SSRP1: variants seen among roughly 807,000 people sequenced by gnomAD.
SSRP1 encodes structure specific recognition protein 1.
SSRP1 carries 21 observed loss-of-function variants against 84.4 expected under a neutral mutation model. That is an observed-to-expected ratio of 0.25 (90% CI 0.18 to 0.36). The LOEUF is 0.36. Among genes scored for constraint, SSRP1 ranks in the 10% least tolerant of loss-of-function variants. The probability of loss-of-function intolerance (pLI) is 1.00; values close to 1 mark genes in which losing one functional copy is unlikely to be tolerated. For missense variants in SSRP1, 519 were observed against 900.8 expected (o/e 0.58, Z 5.43); for synonymous variants, 319 against 318.3 (o/e 1.00, Z -0.02).
rs903194515 is a variant in SSRP1, at chr11:57,335,544, T to C, written c.-120+186A>G. 3.7e-6 allele frequency: 1 copy of C among 270,912 alleles called. No homozygotes were observed. Among genetic ancestry groups the C allele is most frequent in the Non-Finnish European group, 7.4e-6 (1 of 134,654 alleles). 16.8% of individuals were successfully genotyped at this position (270,912 alleles called of 1,614,324 possible). A position where few individuals can be genotyped will look rare whatever the true frequency, so the allele number is the denominator to read the frequency against. ...CACATCGCACGCGACCCAATCCAGC[T>C]CAGAGTGCAGGGTTTCCCTCGCACC... is the stretch of plus-strand genomic sequence containing the variant. On this transcript the variant is annotated intron_variant, in intron 1 of 16. Transcript: ENST00000278412. This position sits in a 1 kb window ranked among gnomAD's most constrained non-coding sequence, Gnocchi z 4.6.
In SSRP1 at chr11:57,334,632, C is replaced by A; in HGVS notation, c.71G>T (p.Arg24Met). 1 of 1,614,138 alleles carries A rather than the reference C, an allele frequency of 6.2e-7. No individual in the cohort carries two copies. Among genetic ancestry groups the A allele is most frequent in the South Asian group, 1.1e-5 (1 of 91,090 alleles). Residue 24 changes from arginine (R) to methionine (M), a missense_variant, in exon 3 of 17, where the codon AGG becomes ATG. This residue lies in a region of SSRP1 where 88 missense variants were observed against 122.0 expected (regional missense o/e 0.72). Coordinates refer to ENST00000278412, the MANE Select transcript of SSRP1 (RefSeq NM_003146.3). ...GAAGATGATGCCCTGACGGCTCAACCTCAGTCGACCATCATTCTGTAAGAA... is the reference window on the plus strand; with the variant it reads ...GAAGATGATGCCCTGACGGCTCAACATCAGTCGACCATCATTCTGTAAGAA... ...VKGSMNDGRL[R>M]LSRQGIIFKN...
In SSRP1 at chr11:57,332,125, G is replaced by A. The variant is rs760650773; in HGVS notation, c.1001+27C>T. ...CACGGCATTTCCCATACCCAGGCAG[G>A]GCAGGATCCCAGGCCCACACTCTCA... On this transcript the variant is annotated intron_variant, in intron 8 of 16. Transcript: ENST00000278412. The surrounding 1 kb of genome is among the most constrained non-coding windows in gnomAD (Gnocchi z 5.5). 47 of 1,612,610 alleles carry A rather than the reference G, an allele frequency of 2.9e-5. No individual in the cohort carries two copies. The East Asian group carries it at 1.0e-3, about 35-fold the overall frequency.
chr11:57,334,615 T>C lies in SSRP1; in HGVS notation c.88A>G (p.Ile30Val), dbSNP rs761572094. ...DGRLRLSRQG[I>V]IFKNSKTGKV... ...CCTGTCTTGCTATTCTTGAAGATGA[T>C]GCCCTGACGGCTCAACCTCAGTCGA... Residue 30 changes from isoleucine to valine, a missense_variant, in exon 3 of 17, where the codon ATC (isoleucine) becomes GTC (valine). Ile to Val is a conservative substitution (Grantham distance 29, BLOSUM62 3). Around this residue, in one of 7 missense-constraint regions of SSRP1, gnomAD observed 88 missense variants for 122.0 expected, o/e 0.72. Coordinates refer to ENST00000278412, the MANE Select transcript of SSRP1 (RefSeq NM_003146.3). 3.7e-6 allele frequency: 6 copies of C among 1,614,074 alleles called. No homozygotes were observed. The highest frequency in any genetic ancestry group is 2.7e-5 in the African/African-American group (2 of 74,928).
In SSRP1 at chr11:57,332,742, C is replaced by A; in HGVS notation, c.651G>T (p.Arg217=). 6.2e-7 allele frequency: 1 copy of A among 1,614,046 alleles called. No individual in the cohort carries two copies. Among genetic ancestry groups the A allele is most frequent in the South Asian group, 1.1e-5 (1 of 91,076 alleles). ...CLTPRGRYDI[R]IYPTFLHLHG... Reference sequence around the variant, plus strand: ...GCAGGTGCAGAAAGGTGGGGTAGATCCGAATGTCATAACGACCACGAGGAG... The same window carrying A: ...GCAGGTGCAGAAAGGTGGGGTAGATACGAATGTCATAACGACCACGAGGAG... Residue 217 remains arginine, a synonymous_variant, in exon 6 of 17, where the codon CGG becomes CGT. Coordinates refer to ENST00000278412, the MANE Select transcript of SSRP1 (RefSeq NM_003146.3). This position sits in a 1 kb window ranked among gnomAD's most constrained non-coding sequence, Gnocchi z 5.5.
In SSRP1 at chr11:57,332,161, T is replaced by A. The variant is rs750030043; in HGVS notation, c.992A>T (p.Asn331Ile). Residue 331 changes from asparagine to isoleucine, a missense_variant, in exon 8 of 17, where the codon AAC becomes ATC. Coordinates refer to ENST00000278412, the MANE Select transcript of SSRP1 (RefSeq NM_003146.3). The surrounding 1 kb of genome is among the most constrained non-coding windows in gnomAD (Gnocchi z 5.5). ...LVNRKITVPG[N>I]FQGHSGAQCI... ...AGGCCCACACTCTCACCCTTGGAAG[T>A]TGCCTGGCACTGTGATCTTGCGGTT... The A allele has an allele frequency of 6.2e-7, 1 of 1,613,688 alleles. No homozygotes were observed. The highest frequency in any genetic ancestry group is 1.7e-5 in the Admixed American group (1 of 60,010).
At chr11:57,334,352 G>A in intron 3 of SSRP1, 111 bp downstream of exon 3, 4 of 1,313,932 alleles carry the variant, frequency 3.0e-6, no homozygotes, top group South Asian at 1.4e-5. Context: ...CTGCTCTAAG[G>A]AGCCCAAACT....
rs749945399 is a variant in SSRP1, at chr11:57,327,803, T to A, written c.1691A>T (p.Lys564Met). Residue 564 changes from lysine (K) to methionine (M), a missense_variant, in exon 14 of 17, where the codon AAG becomes ATG. Coordinates refer to ENST00000278412, the MANE Select transcript of SSRP1 (RefSeq NM_003146.3). ...YMLWLNASRE[K>M]IKSDHPGISI... is the part of the protein sequence containing the mutation. ...GATGCCAGGATGGTCTGACTTGATC[T>A]TCTCTCGGCTGGCATTGAGCCACAG... The A allele has an allele frequency of 6.2e-6, 10 of 1,614,078 alleles. No homozygotes were observed. In the East Asian group the frequency reaches 6.7e-5, roughly 11 times the overall value.
Position 57,326,938 on chromosome 11 carries a change from C to A in SSRP1, c.1872-49G>T, listed in dbSNP as rs531788823. 8.0e-6 allele frequency: 12 copies of A among 1,506,206 alleles called. No individual in the cohort carries two copies. In the South Asian group the frequency reaches 1.6e-4, roughly 20 times the overall value. 93.3% of individuals were successfully genotyped at this position (1,506,206 alleles called of 1,614,324 possible). A position where few individuals can be genotyped will look rare whatever the true frequency, so the allele number is the denominator to read the frequency against. On this transcript the variant is annotated intron_variant, in intron 15 of 16. Transcript: ENST00000278412. ...AGCTGGGCCTTCAGGTCCCCTGTCA[C>A]CATGACCAAACCTCTCCCAGCTTTA...
chr11:57,326,602 T>C, intron 16 of SSRP1, 101 bp downstream of exon 16: 4 of 1,552,280 alleles, frequency 2.6e-6, no homozygotes, highest in Non-Finnish European at 3.5e-6. Flanking sequence ...ACCTCAGAAT[T>C]CCACCATCCA....
chr11:57,328,148 A>C (rs1856021243), intron 13 of SSRP1, 149 bp downstream of exon 13: 1 of 1,321,208 alleles, frequency 7.6e-7, no homozygotes, highest in African/African-American at 1.5e-5. Flanking sequence ...CCAAGAAGAT[A>C]ACCCTCAAGG....
In SSRP1 at chr11:57,326,761, G is replaced by C. The variant is rs773005161; in HGVS notation, c.2000C>G (p.Ser667Cys). Residue 667 changes from serine to cysteine, a missense_variant, in exon 16 of 17, where the codon TCT becomes TGT. Ser to Cys is a moderately radical substitution (Grantham distance 112). Transcript: ENST00000278412. The stretch of plus-strand genomic sequence containing the variant: ...CTCTCCCGAAGAGCTCTCATCACTA[G>C]ACACAAACTCTTTGCTCTTGAAGCT... Reference protein sequence around the residue: ...SESFKSKEFVSSDESSSGENK... With the variant: ...SESFKSKEFVCSDESSSGENK... The C allele has an allele frequency of 1.2e-6, 2 of 1,614,228 alleles. No individual in the cohort carries two copies. The highest frequency in any genetic ancestry group is 2.2e-5 in the South Asian group (2 of 91,090).
intron 8 of SSRP1, 29 bp from the exon 9 acceptor site, chr11:57,331,918 G>C: frequency 6.3e-7 from 1 of 1,592,552 alleles, no homozygotes; most frequent in East Asian, 2.3e-5. Flanking sequence ...AGCCTGGTTA[G>C]TGCCAACCTC....
At chr11:57,327,274 G>T in intron 15 of SSRP1, 152 bp downstream of exon 15, 1 of 800,002 alleles carries the variant, frequency 1.3e-6, no homozygotes, top group South Asian at 1.7e-5. Context: ...CCCATACTTG[G>T]GCAATGGCCT....
rs756839016 is a variant in SSRP1 at position 57,327,505 on chromosome 11, G to A, written c.1792C>T (p.Arg598Cys). Reference protein sequence around the residue: ...MSKEKKEEWDRKAEDARRDYE... With the variant: ...MSKEKKEEWDCKAEDARRDYE... ...TCCCTCCTGGCATCCTCAGCCTTGC[G>A]ATCCCACTCCTGTCTCACACACAGA... Residue 598 changes from arginine (R) to cysteine (C), a missense_variant, in exon 15 of 17, where the codon CGC (arginine) becomes TGC (cysteine). Around this residue, in one of 7 missense-constraint regions of SSRP1, gnomAD observed 197 missense variants for 265.0 expected, o/e 0.74. Coordinates refer to ENST00000278412, the MANE Select transcript of SSRP1 (RefSeq NM_003146.3). 3.4e-5 allele frequency: 55 copies of A among 1,613,542 alleles called. No homozygotes were observed. The highest frequency in any genetic ancestry group is 1.6e-4 in the Middle Eastern group (1 of 6,082).
intron 12 of SSRP1, 158 bp downstream of exon 12, chr11:57,329,935 C>A (rs958217725): frequency 2.2e-6 from 2 of 911,466 alleles, no homozygotes; most frequent in African/African-American, 1.6e-5. Flanking sequence ...AAGCCCTTGA[C>A]AATTTCCAAA....
rs75698096 is a variant in SSRP1 at position 57,331,579 on chromosome 11, T to C, written c.1223+89A>G. On this transcript the variant is annotated intron_variant, in intron 9 of 16. Coordinates refer to ENST00000278412, the MANE Select transcript of SSRP1 (RefSeq NM_003146.3). Reference sequence around the variant, plus strand: ...GCAAAAGAAAAATTCTGCTCTAGGGTTGGAGAGTGCCCCAGGCCACGCCAG... The same window carrying C: ...GCAAAAGAAAAATTCTGCTCTAGGGCTGGAGAGTGCCCCAGGCCACGCCAG... The C allele has an allele frequency of 4.2e-4, 434 of 1,036,540 alleles. 1 individual carries two copies. The African/African-American group carries it at 6.0e-3, about 14-fold the overall frequency. 64.2% of individuals were successfully genotyped at this position (1,036,540 alleles called of 1,614,324 possible). A position where few individuals can be genotyped will look rare whatever the true frequency, so the allele number is the denominator to read the frequency against.
chr11:57,327,455 A>G lies in SSRP1; in HGVS notation c.1842T>C (p.Tyr614=). ...TAGAAGACTCGCCTCGGCCCCCTTC[A>G]TATTCTTTCATGGCTTTTTCATAGT... The part of the protein sequence containing the change: ...RRDYEKAMKE[Y]EGGRGESSKR... The change falls in exon 15 of 17, where the codon TAT becomes TAC. Residue 614 remains tyrosine, a synonymous_variant. Transcript: ENST00000278412. The G allele has an allele frequency of 6.2e-7, 1 of 1,613,610 alleles. No individual in the cohort carries two copies. The highest frequency in any genetic ancestry group is 8.5e-7 in the Non-Finnish European group (1 of 1,179,940).
At chr11:57,333,390 TCACCCTATC>T in intron 4 of SSRP1, 36 bp downstream of exon 4, 1 of 1,521,994 alleles carries the variant, frequency 6.6e-7, no homozygotes, top group Non-Finnish European at 9.1e-7. Flanking sequence ...CTGAAACCCT[TCACCCTATC>T]TTCCTCCCCA....
chr11:57,332,921 G>T lies in SSRP1; in HGVS notation c.537+38C>A. On this transcript the variant is annotated intron_variant, in intron 5 of 16. Transcript: ENST00000278412. This position sits in a 1 kb window ranked among gnomAD's most constrained non-coding sequence, Gnocchi z 5.5. Reference sequence around the variant, plus strand: ...TCCCAGGCCAGCCAATGCCTGCTCAGCACCATCTGCTGCCAAGGCAACCAG... The same window carrying T: ...TCCCAGGCCAGCCAATGCCTGCTCATCACCATCTGCTGCCAAGGCAACCAG... 6.3e-7 allele frequency: 1 copy of T among 1,598,588 alleles called. No homozygotes were observed. The highest frequency in any genetic ancestry group is 8.5e-7 in the Non-Finnish European group (1 of 1,170,114).
Sources: allele counts gnomAD v4.1 joint callset, GRCh38; gene constraint gnomAD v4.1.1; regional missense constraint gnomAD v4.1.1; non-coding constraint Gnocchi (gnomAD v3.1); transcripts MANE v1.5; gene names NCBI Gene and HGNC (gene_info 2026-07-23, HGNC 2026-07-21).